LRBA: variants seen among roughly 807,000 people sequenced by gnomAD.
LRBA encodes LPS responsive beige-like anchor protein, also known as lipopolysaccharide-responsive and beige-like anchor protein.
A neutral mutation model predicts 330.0 loss-of-function variants in LRBA; 176 were observed. That is an observed-to-expected ratio of 0.53 (90% CI 0.47 to 0.60). The LOEUF (loss-of-function observed/expected upper bound fraction) is 0.60, where lower values mean the gene tolerates loss of function less well. LRBA is among the 20% of genes least tolerant of loss of function. The pLI, the probability that LRBA is intolerant of heterozygous loss-of-function variation, is 0.00. For synonymous variants in LRBA, 1,230 were observed against 1,193.0 expected (o/e 1.03, Z -0.64); for missense variants, 3,259 against 3,444.8 (o/e 0.95, Z 1.35).
intron 47 of LRBA, among the ~76,000 whole-genome samples, chr4:150,364,026 A>G (rs936530376): frequency 6.6e-6 from 1 of 152,246 alleles, no homozygotes; most frequent in Non-Finnish European, 1.5e-5. Flanking sequence ...AATTTGAGGT[A>G]GAATGATTAC....
chr4:150,323,026 G>T (rs1275590797), intron 49 of LRBA, among the ~76,000 whole-genome samples: 3 of 6,778 alleles, frequency 4.4e-4, no homozygotes, highest in Non-Finnish European at 4.0e-3. Context: ...TGTGTGTGTG[G>T]GGATGCATTG....
intron 46 of LRBA, among the ~76,000 whole-genome samples, chr4:150,426,111 C>T (rs1332016961): frequency 6.6e-6 from 1 of 151,916 alleles, no homozygotes; most frequent in Non-Finnish European, 1.5e-5. Flanking sequence ...CACTAGAGAT[C>T]AAGAACATTG....
chr4:150,905,070 C>T (rs1731180283), intron 13 of LRBA, among the ~76,000 whole-genome samples: 1 of 152,066 alleles, frequency 6.6e-6, no homozygotes. Flanking sequence ...ATGCTTAATA[C>T]TGCCACTACT....
chr4:150,633,635 C>T (rs1777596737), intron 37 of LRBA, among the ~76,000 whole-genome samples: 1 of 152,152 alleles, frequency 6.6e-6, no homozygotes, highest in Non-Finnish European at 1.5e-5. Flanking sequence ...TAATCATGTT[C>T]CCCATCCTTT....
At position 150,549,012 on chromosome 4, in the gene LRBA, A is replaced by G. The variant is rs184484228; in HGVS notation, c.6330+39036T>C. 1.7e-3 allele frequency among the ~76,000 whole-genome samples: 255 copies of G among 152,256 alleles called. 2 individuals carry two copies. Among genetic ancestry groups the G allele is most frequent in the African/African-American group, 6.0e-3 (248 of 41,568 alleles). On this transcript the variant is annotated intron_variant, in intron 40 of 56. Coordinates refer to ENST00000651943, the MANE Select transcript of LRBA (RefSeq NM_001364905.1). The stretch of plus-strand genomic sequence containing the variant: ...ATCTGCCAAAAAATAAATGTGCCTA[A>G]ATTATCAAAATCACCTATGTTCCAA...
At chr4:150,652,846 C>T (rs927230718) in intron 37 of LRBA, among the ~76,000 whole-genome samples, 20 of 152,128 alleles carry the variant, frequency 1.3e-4, no homozygotes, top group African/African-American at 4.1e-4. Context: ...AGACACCTAA[C>T]GCCTGCTTGT....
At chr4:150,752,742 C>T (rs1355431548) in intron 35 of LRBA, among the ~76,000 whole-genome samples, 1 of 152,056 alleles carries the variant, frequency 6.6e-6, no homozygotes, top group African/African-American at 2.4e-5. Flanking sequence ...TCCAAACTTA[C>T]TTTGCATGAT....
intron 47 of LRBA, among the ~76,000 whole-genome samples, chr4:150,380,322 G>A (rs578016565): frequency 1.3e-5 from 2 of 152,266 alleles, no homozygotes; most frequent in African/African-American, 4.8e-5. Flanking sequence ...AAGCACCTGT[G>A]AACTAATTCT....
rs2149659434 is a variant in LRBA at position 151,004,386 on chromosome 4, G to A, written c.216+10041C>T. On this transcript the variant is annotated intron_variant, in intron 2 of 56. Transcript: ENST00000651943. ...CGCAATCAATCTGATAACGGAGACG[G>A]CAACTGACTAACAGGCAGGTAGCAT... Among the ~76,000 whole-genome samples the A allele has an allele frequency of 1.3e-5, 2 of 152,288 alleles. 1 individual carries two copies. Among genetic ancestry groups the A allele is most frequent in the South Asian group, 4.1e-4 (2 of 4,828 alleles).
intron 47 of LRBA, among the ~76,000 whole-genome samples, chr4:150,389,504 C>T (rs759625199): frequency 6.6e-6 from 1 of 151,684 alleles, no homozygotes; most frequent in Non-Finnish European, 1.5e-5. Context: ...GCCAGGAGTT[C>T]GAGGCCAGCC....
intron 37 of LRBA, among the ~76,000 whole-genome samples, chr4:150,632,055 AC>A (rs1358518414): frequency 6.6e-6 from 1 of 151,914 alleles, no homozygotes; most frequent in Non-Finnish European, 1.5e-5. Flanking sequence ...ACATGTTGAA[AC>A]CCCTTCTCTA....
intron 34 of LRBA, among the ~76,000 whole-genome samples, chr4:150,783,730 G>A (rs1186015432): frequency 6.6e-6 from 1 of 152,130 alleles, no homozygotes; most frequent in Admixed American, 6.5e-5. Context: ...ACAGATTTAG[G>A]GTCACACAGT....
intron 44 of LRBA, among the ~76,000 whole-genome samples, chr4:150,448,466 T>C (rs957035546): frequency 6.6e-6 from 1 of 152,112 alleles, no homozygotes; most frequent in African/African-American, 2.4e-5. Flanking sequence ...ACTGCTATAA[T>C]TTTGGCAAAG....
At chr4:150,925,029 G>A (rs887420188) in intron 4 of LRBA, among the ~76,000 whole-genome samples, 3 of 151,982 alleles carry the variant, frequency 2.0e-5, no homozygotes, top group Admixed American at 1.3e-4. Flanking sequence ...AATTAGCCTG[G>A]CATGGTGGCA....
At chr4:150,512,717 G>GAAAA (rs370203536) in intron 40 of LRBA, among the ~76,000 whole-genome samples, 17 of 100,648 alleles carry the variant, frequency 1.7e-4, no homozygotes, top group African/African-American at 5.1e-4. Context: ...TGCTTTTTGA[G>GAAAA]AAAAAAAAAA....
At chr4:150,741,964 C>G (rs952907555) in intron 35 of LRBA, among the ~76,000 whole-genome samples, 1 of 151,824 alleles carries the variant, frequency 6.6e-6, no homozygotes, top group African/African-American at 2.4e-5. Context: ...AACAAACGAC[C>G]CATTCTGATT....
chr4:150,847,704 T>C, intron 26 of LRBA, among the ~76,000 whole-genome samples: 1 of 152,200 alleles, frequency 6.6e-6, no homozygotes. Flanking sequence ...TTTACAACTA[T>C]ATAGAAGGAA....
At chr4:150,844,046 A>G in intron 28 of LRBA, 54 bp downstream of exon 28, 20 of 1,088,128 alleles carry the variant, frequency 1.8e-5, no homozygotes, top group Non-Finnish European at 2.7e-5. Flanking sequence ...CATTAGGCCT[A>G]AGAGGAAATA....
intron 47 of LRBA, among the ~76,000 whole-genome samples, chr4:150,373,166 TGTGTGTGAGAGAGAGAGA>T (rs1740699484): frequency 2.5e-5 from 3 of 122,256 alleles, no homozygotes; most frequent in African/African-American, 5.8e-5. Context: ...TGTGTGTGTG[TGTGTGTGAGAGAGAGAGA>T]GAGAGAGAGA....
Sources: gnomAD v4.1 joint callset for allele counts (sites outside exome capture counted in the v4.1 genomes callset) on GRCh38, gnomAD v4.1.1 for gene constraint, MANE v1.5 for transcripts, NCBI Gene and HGNC (gene_info 2026-07-23, HGNC 2026-07-21) for gene names.